The following XRCC6 variants were observed in gnomAD, a reference collection of about 807,000 sequenced individuals.
The protein encoded by XRCC6 is DNA repair protein Ku70.
Under a neutral mutation model 65.7 loss-of-function variants are expected in XRCC6, and 5 were observed. The observed-to-expected ratio is 0.08, with a 90% CI of 0.04 to 0.16. The LOEUF (loss-of-function observed/expected upper bound fraction) is 0.16. XRCC6 is among the 10% of genes least tolerant of loss of function. XRCC6 has a pLI of 1.00. For synonymous variants in XRCC6, 270 were observed against 270.6 expected (o/e 1.00, Z 0.02); for missense variants, 447 against 738.1 (o/e 0.61, Z 4.57).
intron 7 of XRCC6, chr22:41,648,254 T>C (rs1197996659): frequency 6.6e-6 from 1 of 152,054 alleles, no homozygotes; most frequent in Admixed American, 6.6e-5. Context: ...CTGTGGTATC[T>C]GGATCAGTGA....
intron 6 of XRCC6, among the ~76,000 whole-genome samples, chr22:41,640,857 A>G (rs908662102): frequency 4.6e-5 from 7 of 152,178 alleles, no homozygotes; most frequent in African/African-American, 1.4e-4. Flanking sequence ...GGGTAAATGT[A>G]GGCCTTGTTG....
chr22:41,636,796 A>G, intron 5 of XRCC6, 26 bp downstream of exon 5: 1 of 1,599,742 alleles, frequency 6.3e-7, no homozygotes, highest in Non-Finnish European at 8.5e-7. Context: ...CGTTCTCTTA[A>G]ATTGGCACTT....
intron 2 of XRCC6, among the ~76,000 whole-genome samples, chr22:41,623,050 T>G (rs535288229): frequency 6.6e-6 from 1 of 152,276 alleles, no homozygotes; most frequent in South Asian, 2.1e-4. Context: ...TTTTTGTATT[T>G]TTCTTTCAAG....
chr22:41,649,136 AAAAAT>A (rs1569093017), intron 7 of XRCC6, among the ~76,000 whole-genome samples: 2 of 122,822 alleles, frequency 1.6e-5, no homozygotes, highest in African/African-American at 7.5e-5. Flanking sequence ...CAAAAAAAAA[AAAAAT>A]ATATATATAT....
chr22:41,639,432 C>T (rs975992367), intron 6 of XRCC6, among the ~76,000 whole-genome samples: 7 of 143,314 alleles, frequency 4.9e-5, no homozygotes, highest in African/African-American at 1.8e-4. Flanking sequence ...CTCCTGAGCT[C>T]CAGTGATCGC....
At position 41,628,149 on chromosome 22, in the gene XRCC6, GA is replaced by G; in HGVS notation, c.115del (p.Ile39PhefsTer19). 6.2e-7 allele frequency: 1 copy of G among 1,613,646 alleles called. No homozygotes were observed. The highest frequency in any genetic ancestry group is 8.5e-7 in the Non-Finnish European group (1 of 1,179,832). Reference sequence around the variant, plus strand: ...ATAAATATTCAGGAAGAGATAGTTTGATTTTTTTGGTTGATGCCTCCAAGGC... The same window carrying G: ...ATAAATATTCAGGAAGAGATAGTTTGTTTTTTTGGTTGATGCCTCCAAGGC... Reference protein sequence around the residue: ...DYKYSGRDSLIFLVDASKAMF... With the variant: ...DYKYSGRDSLXFLVDASKAMF... On this transcript the variant is annotated frameshift_variant, in exon 3 of 13. Coordinates refer to ENST00000360079, the MANE Select transcript of XRCC6 (RefSeq NM_001469.5). LOFTEE classifies it high-confidence loss of function.
intron 8 of XRCC6, among the ~76,000 whole-genome samples, chr22:41,652,916 C>A (rs1422583716): frequency 1.3e-5 from 2 of 151,756 alleles, no homozygotes; most frequent in Non-Finnish European, 2.9e-5. Context: ...TTGTGATCCA[C>A]CCGCCTGTGC....
chr22:41,652,605 A>G (rs886397488), intron 8 of XRCC6, among the ~76,000 whole-genome samples: 14 of 152,050 alleles, frequency 9.2e-5, no homozygotes, highest in South Asian at 4.2e-4. Context: ...GGCTTAAGCA[A>G]TCTACCTGTC....
intron 2 of XRCC6, 96 bp downstream of exon 2, chr22:41,622,182 C>T (rs2067615524): frequency 5.7e-6 from 7 of 1,228,394 alleles, no homozygotes; most frequent in South Asian, 3.8e-5. Flanking sequence ...GATGGCCTGC[C>T]CTTCTCCTCC....
intron 4 of XRCC6, 125 bp from the exon 5 acceptor site, chr22:41,636,391 G>A (rs1909710387): frequency 6.7e-7 from 1 of 1,490,354 alleles, no homozygotes. Context: ...TGCTCGATGT[G>A]GACTTTGTTA....
chr22:41,645,596 A>G (rs1713397257), intron 6 of XRCC6, among the ~76,000 whole-genome samples: 1 of 151,894 alleles, frequency 6.6e-6, no homozygotes, highest in South Asian at 2.1e-4. Flanking sequence ...CATTCTCCCA[A>G]AACTGTAGTC....
intron 11 of XRCC6, among the ~76,000 whole-genome samples, chr22:41,658,957 A>G (rs28384774): frequency 0.013 from 1,922 of 152,238 alleles, 35 homozygotes; most frequent in African/African-American, 0.043. Flanking sequence ...CAAAAAATCA[A>G]TAAATAATTT....
intron 9 of XRCC6, among the ~76,000 whole-genome samples, chr22:41,654,649 A>G (rs2068028790): frequency 6.6e-6 from 1 of 152,106 alleles, no homozygotes; most frequent in Admixed American, 6.6e-5. Context: ...CAGCCTGATA[A>G]CTCTTACCTG....
At chr22:41,641,298 T>C (rs938981764) in intron 6 of XRCC6, among the ~76,000 whole-genome samples, 2 of 76,474 alleles carry the variant, frequency 2.6e-5, no homozygotes, top group African/African-American at 6.6e-5. Context: ...AGAAAAATAT[T>C]AAACTTACGC....
intron 10 of XRCC6, among the ~76,000 whole-genome samples, chr22:41,657,657 C>G (rs1345508968): frequency 6.6e-6 from 1 of 151,792 alleles, no homozygotes; most frequent in African/African-American, 2.4e-5. Flanking sequence ...GTAGCTGGGA[C>G]CATACCCTTG....
Position 41,636,120 on chromosome 22 carries a change from A to G in XRCC6, c.203A>G (p.Gln68Arg). The change falls in exon 4 of 13, where the codon CAA becomes CGA. Residue 68 changes from glutamine to arginine, a missense_variant. By Grantham distance (43) the Gln-to-Arg change is conservative (BLOSUM62 1). This residue lies in a region of XRCC6 where 228 missense variants were observed against 307.4 expected (regional missense o/e 0.74). Transcript: ENST00000360079. ...TTGAATTTTTTTTTTCAGTGTATCCAAAGTGTGTACATCAGTAAGATCATA... is the reference window on the plus strand; with the variant it reads ...TTGAATTTTTTTTTTCAGTGTATCCGAAGTGTGTACATCAGTAAGATCATA... ...TPFDMSIQCI[Q>R]SVYISKIISS... 1 of 1,584,060 alleles carries G rather than the reference A, an allele frequency of 6.3e-7. No individual in the cohort carries two copies. The highest frequency in any genetic ancestry group is 8.5e-7 in the Non-Finnish European group (1 of 1,172,564).
intron 1 of XRCC6, chr22:41,621,709 C>G (rs899792178): frequency 2.3e-6 from 1 of 431,176 alleles, no homozygotes; most frequent in Non-Finnish European, 4.2e-6. Context: ...GGGAATCCCT[C>G]ACCGTCTAAA....
In XRCC6 at chr22:41,663,899, C is replaced by G. The variant is rs1285566122; in HGVS notation, c.*84C>G. On this transcript the variant is annotated 3_prime_UTR_variant, in exon 13 of 13. Transcript: ENST00000360079. The stretch of plus-strand genomic sequence containing the variant: ...CTCAGCCAGTTAAAATGTGTTTCTC[C>G]TGAGCTAGGAAGAGTCTACCCGACA... The G allele has an allele frequency of 6.9e-7, 1 of 1,458,574 alleles. No homozygotes were observed. The highest frequency in any genetic ancestry group is 9.3e-7 in the Non-Finnish European group (1 of 1,075,166). 90.4% of individuals were successfully genotyped at this position (1,458,574 alleles called of 1,614,324 possible). A position where few individuals can be genotyped will look rare whatever the true frequency, so the allele number is the denominator to read the frequency against.
Position 41,659,190 on chromosome 22 carries a change from T to C in XRCC6, c.1522+838T>C, listed in dbSNP as rs28384776. Among the ~76,000 whole-genome samples, 379 of 152,104 alleles carry C rather than the reference T, an allele frequency of 2.5e-3. 3 individuals are homozygous for C. Among genetic ancestry groups the C allele is most frequent in the South Asian group, 0.02 (98 of 4,824 alleles). On this transcript the variant is annotated intron_variant, in intron 11 of 12. Transcript: ENST00000360079. Reference sequence around the variant, plus strand: ...ATTTTAGACAAAATAGCCCCAGTGTTAAAAGCAGAAGAGTTATTGGACCAT... The same window carrying C: ...ATTTTAGACAAAATAGCCCCAGTGTCAAAAGCAGAAGAGTTATTGGACCAT...
Sources: gnomAD v4.1 joint callset for allele counts (sites outside exome capture counted in the v4.1 genomes callset) on GRCh38, gnomAD v4.1.1 for gene constraint, gnomAD v4.1.1 regional missense constraint, MANE v1.5 for transcripts, NCBI Gene and HGNC (gene_info 2026-07-23, HGNC 2026-07-21) for gene names.